Variants in RANBP2 observed in about 807,000 individuals in gnomAD.
The protein encoded by RANBP2 is E3 SUMO-protein ligase RanBP2.
In RANBP2, 57 loss-of-function variants were observed where a neutral mutation model predicts 303.6. The ratio of observed to expected loss-of-function variants is 0.19; its 90% CI spans 0.15 to 0.23. The LOEUF is 0.23. Among genes scored for constraint, RANBP2 ranks in the 10% least tolerant of loss-of-function variants. The pLI, the probability that RANBP2 is intolerant of heterozygous loss-of-function variation, is 1.00. For missense variants in RANBP2, 3,138 were observed against 3,780.8 expected (o/e 0.83, Z 4.46); for synonymous variants, 1,167 against 1,301.5 (o/e 0.90, Z 2.23).
chr2:109,524,731 A>C, the RANBP2 span, among the ~76,000 whole-genome samples: 7,123 of 152,010 alleles, frequency 0.047, 567 homozygotes, highest in African/African-American at 0.16. Flanking sequence ...GGTGACAGAG[A>C]AAGACTCCAT....
chr2:109,161,536 A>G, the RANBP2 span, among the ~76,000 whole-genome samples: 6 of 151,826 alleles, frequency 4.0e-5, no homozygotes, highest in Admixed American at 3.9e-4. Flanking sequence ...AACATGTCTT[A>G]GTCTAGCACC....
chr2:109,083,229 A>G, the RANBP2 span, among the ~76,000 whole-genome samples: 1 of 152,106 alleles, frequency 6.6e-6, no homozygotes, highest in East Asian at 1.9e-4. Context: ...ACCACCATCC[A>G]TCTCTATAAC....
the RANBP2 span, among the ~76,000 whole-genome samples, chr2:109,131,008 T>C: frequency 6.6e-6 from 1 of 152,148 alleles, no homozygotes; most frequent in South Asian, 2.1e-4. Flanking sequence ...AGCACTTAAA[T>C]GTTAAAAAAA....
rs201561160 is a variant in RANBP2 at position 108,777,350 on chromosome 2, T to TTTA, written c.8599+119_8599+120insTTA. 3.4e-3 allele frequency: 2,279 copies of TTTA among 673,710 alleles called. 81 individuals are homozygous for TTTA. In the South Asian group the frequency reaches 0.037, roughly 11 times the overall value. 41.7% of individuals were successfully genotyped at this position (673,710 alleles called of 1,614,324 possible). On this transcript the variant is annotated intron_variant, in intron 25 of 28. Transcript: ENST00000283195. ...AAGTTTCTTCCCTTACCCCCCAGTT[T>TTTA]GTTTTAGTGTTTTAATAATGAAGGG...
chr2:109,162,969 G>A, the RANBP2 span, among the ~76,000 whole-genome samples: 1 of 152,176 alleles, frequency 6.6e-6, no homozygotes, highest in Non-Finnish European at 1.5e-5. Context: ...CTCTCCAAGG[G>A]ATTTGCACCC....
At chr2:109,184,480 C>T in the RANBP2 span, among the ~76,000 whole-genome samples, 1 of 152,188 alleles carries the variant, frequency 6.6e-6, no homozygotes. Context: ...CTGTCTGTCC[C>T]AGCCGTGGGT....
chr2:109,283,227 G>T, the RANBP2 span, among the ~76,000 whole-genome samples: 11 of 152,208 alleles, frequency 7.2e-5, no homozygotes, highest in Non-Finnish European at 1.2e-4. Flanking sequence ...CAGCCTGGCA[G>T]TCTCCCGCTC....
the RANBP2 span, among the ~76,000 whole-genome samples, chr2:109,284,425 G>A: frequency 6.6e-6 from 1 of 152,190 alleles, no homozygotes; most frequent in Admixed American, 6.5e-5. Flanking sequence ...ATTCCCAAAG[G>A]TGGCTGGTCT....
At chr2:109,013,021 C>T in the RANBP2 span, among the ~76,000 whole-genome samples, 1 of 152,270 alleles carries the variant, frequency 6.6e-6, no homozygotes, top group East Asian at 1.9e-4. Flanking sequence ...CCGAGTAGGG[C>T]GAAACTCCAT....
At chr2:109,676,165 T>C in the RANBP2 span, among the ~76,000 whole-genome samples, 4 of 152,170 alleles carry the variant, frequency 2.6e-5, no homozygotes, top group Non-Finnish European at 5.9e-5. Context: ...TGCCCTTCCC[T>C]CTTCCAGCCC....
chr2:109,214,488 G>A, the RANBP2 span, among the ~76,000 whole-genome samples: 24 of 151,436 alleles, frequency 1.6e-4, no homozygotes, highest in Non-Finnish European at 3.1e-4. Flanking sequence ...AAAAAAAAAG[G>A]AGTGGAGCCC....
the RANBP2 span, among the ~76,000 whole-genome samples, chr2:109,658,257 C>T: frequency 6.6e-6 from 1 of 151,260 alleles, no homozygotes; most frequent in Non-Finnish European, 1.5e-5. Flanking sequence ...ACCAGCCTGG[C>T]CAAGATGGTG....
At chr2:108,755,756 C>T in intron 17 of RANBP2, among the ~76,000 whole-genome samples, 1 of 152,022 alleles carries the variant, frequency 6.6e-6, no homozygotes, top group East Asian at 1.9e-4. Flanking sequence ...TGGAGTCTCA[C>T]TCTGTTGCCC....
the RANBP2 span, among the ~76,000 whole-genome samples, chr2:109,708,173 C>T: frequency 6.6e-6 from 1 of 152,232 alleles, no homozygotes; most frequent in East Asian, 1.9e-4. Flanking sequence ...ACCTGGGCAA[C>T]ATGGCAAAAC....
At chr2:109,245,902 A>T in the RANBP2 span, among the ~76,000 whole-genome samples, 2 of 152,226 alleles carry the variant, frequency 1.3e-5, no homozygotes, top group African/African-American at 4.8e-5. Context: ...AATCCCGGGC[A>T]TCATTTACTG....
the RANBP2 span, chr2:109,594,579 A>T: frequency 1.3e-5 from 2 of 151,408 alleles, no homozygotes; most frequent in Admixed American, 6.6e-5. Context: ...TGGTGTATAC[A>T]TATCGACGCT....
At chr2:109,497,287 T>A in the RANBP2 span, among the ~76,000 whole-genome samples, 2 of 152,190 alleles carry the variant, frequency 1.3e-5, no homozygotes, top group African/African-American at 4.8e-5. Flanking sequence ...ACTCAGGGGC[T>A]CATTCGTCTT....
the RANBP2 span, among the ~76,000 whole-genome samples, chr2:109,695,731 G>A: frequency 1.3e-5 from 2 of 152,130 alleles, no homozygotes; most frequent in East Asian, 3.8e-4. Flanking sequence ...ATGGGACAGA[G>A]GTATAGGGGG....
chr2:109,628,324 T>C, the RANBP2 span, among the ~76,000 whole-genome samples: 1 of 151,990 alleles, frequency 6.6e-6, no homozygotes, highest in Non-Finnish European at 1.5e-5. Context: ...CAAAACCTCA[T>C]CTCTACTAAA....
Sources: allele counts gnomAD v4.1 joint callset (sites outside exome capture counted in the v4.1 genomes callset), GRCh38; gene constraint gnomAD v4.1.1; transcripts MANE v1.5; gene names NCBI Gene and HGNC (gene_info 2026-07-23, HGNC 2026-07-21).